The following PBX3 variants were observed in gnomAD, a reference collection of about 807,000 sequenced individuals.
PBX3 encodes the protein pre-B-cell leukemia transcription factor 3.
Under a neutral mutation model 48.5 loss-of-function variants are expected in PBX3, and 14 were observed. The observed-to-expected ratio is 0.29, with a 90% CI of 0.19 to 0.45. PBX3 has a LOEUF of 0.45. Ranked by LOEUF, PBX3 falls within the 20% of genes least tolerant of loss-of-function variation. The pLI is 1.00. For missense variants in PBX3, 386 were observed against 546.7 expected (o/e 0.71, Z 2.93); for synonymous variants, 210 against 200.3 (o/e 1.05, Z -0.41).
chr9:125,897,622 A>C (rs996551073), intron 2 of PBX3, among the ~76,000 whole-genome samples: 5 of 151,934 alleles, frequency 3.3e-5, no homozygotes, highest in Non-Finnish European at 7.4e-5. Context: ...ATGTCTAAAA[A>C]ACCACATACT....
At chr9:125,816,132 G>A (rs111966267) in intron 2 of PBX3, among the ~76,000 whole-genome samples, 85 of 152,174 alleles carry the variant, frequency 5.6e-4, no homozygotes, top group African/African-American at 1.9e-3. Context: ...AGCCTCAGGC[G>A]AGGACCACCA....
chr9:125,875,150 A>G (rs1840218293), intron 2 of PBX3, among the ~76,000 whole-genome samples: 2 of 152,168 alleles, frequency 1.3e-5, no homozygotes, highest in Admixed American at 1.3e-4. Context: ...CCTAGTGTAC[A>G]CACATTTTCA....
chr9:125,927,936 T>G (rs1004136036), intron 3 of PBX3, among the ~76,000 whole-genome samples: 2 of 151,992 alleles, frequency 1.3e-5, no homozygotes, highest in Non-Finnish European at 2.9e-5. Context: ...ATCCTAGCAC[T>G]TCGGGAGGCT....
chr9:125,962,366 A>C, intron 7 of PBX3, 152 bp downstream of exon 7: 1 of 513,064 alleles, frequency 1.9e-6, no homozygotes, highest in Non-Finnish European at 3.5e-6. Flanking sequence ...CATTTAATTT[A>C]ATGAGAAGTC....
At chr9:125,794,485 T>A (rs1019956615) in intron 2 of PBX3, among the ~76,000 whole-genome samples, 2 of 152,172 alleles carry the variant, frequency 1.3e-5, no homozygotes, top group African/African-American at 4.8e-5. Context: ...CTGACTTTAG[T>A]TACTGCTCAG....
chr9:125,966,817 A>T lies in PBX3; in HGVS notation c.*894A>T, dbSNP rs2118843897. 6.5e-6 allele frequency: 1 copy of T among 152,798 alleles called. No individual in the cohort carries two copies. Among genetic ancestry groups the T allele is most frequent in the East Asian group, 1.9e-4 (1 of 5,196 alleles). The allele number at this position is 152,798 out of a possible 1,614,324, so 9.5% of individuals were successfully genotyped here. On this transcript the variant is annotated 3_prime_UTR_variant, in exon 9 of 9. Coordinates refer to ENST00000373489, the MANE Select transcript of PBX3 (RefSeq NM_006195.6). ...CCAATAGAATTTCAACATGTTCTGT[A>T]GCTTAGAGTGCTCACTTACTACCTC...
intron 2 of PBX3, among the ~76,000 whole-genome samples, chr9:125,857,554 T>C (rs1839755088): frequency 6.6e-6 from 1 of 152,196 alleles, no homozygotes; most frequent in Non-Finnish European, 1.5e-5. Context: ...TTTAAGACTT[T>C]TCTTCATTTA....
intron 3 of PBX3, among the ~76,000 whole-genome samples, chr9:125,929,144 A>G (rs1224594740): frequency 1.3e-5 from 2 of 152,126 alleles, no homozygotes; most frequent in Non-Finnish European, 2.9e-5. Context: ...GGAACTTAAT[A>G]TCTTCCTGTT....
chr9:125,958,504 T>C (rs563871647), intron 5 of PBX3, among the ~76,000 whole-genome samples: 5 of 152,172 alleles, frequency 3.3e-5, no homozygotes, highest in Non-Finnish European at 7.4e-5. Context: ...GTAGGACCAA[T>C]ATGTGGAAGG....
At position 125,844,516 on chromosome 9, in the gene PBX3, T is replaced by G. The variant is rs557703130; in HGVS notation, c.275-71170T>G. On this transcript the variant is annotated intron_variant, in intron 2 of 8. Coordinates refer to ENST00000373489, the MANE Select transcript of PBX3 (RefSeq NM_006195.6). ...GCTTAAATATTACAGGTGTTTAAAT[T>G]AAAAATGTCAAACCATGAAGGCATA... 2.0e-5 allele frequency: 3 copies of G among 152,236 alleles called. No individual in the cohort carries two copies. In the East Asian group the frequency reaches 5.8e-4, roughly 29 times the overall value. The allele number at this position is 152,236 out of a possible 1,614,324, so 9.4% of individuals were successfully genotyped here. A position where few individuals can be genotyped will look rare whatever the true frequency, so the allele number is the denominator to read the frequency against.
At chr9:125,855,247 G>A (rs1839690018) in intron 2 of PBX3, among the ~76,000 whole-genome samples, 1 of 152,036 alleles carries the variant, frequency 6.6e-6, no homozygotes, top group African/African-American at 2.4e-5. Context: ...GTCCAAGAAT[G>A]AATAACTGTA....
chr9:125,813,667 C>A (rs931409534), intron 2 of PBX3, among the ~76,000 whole-genome samples: 1 of 152,094 alleles, frequency 6.6e-6, no homozygotes, highest in African/African-American at 2.4e-5. Flanking sequence ...TCCTTATATT[C>A]TGGTATGATA....
chr9:125,867,652 A>AC (rs895599467), intron 2 of PBX3, among the ~76,000 whole-genome samples: 4 of 150,762 alleles, frequency 2.7e-5, no homozygotes, highest in African/African-American at 9.7e-5. Flanking sequence ...AAAAAAAAAA[A>AC]AAAAACCACA....
chr9:125,775,205 C>A (rs987352763), intron 2 of PBX3, among the ~76,000 whole-genome samples: 20 of 152,138 alleles, frequency 1.3e-4, no homozygotes, highest in African/African-American at 4.6e-4. Context: ...TATTATTTTC[C>A]ATTTTTATTA....
At chr9:125,892,625 A>G (rs1414851385) in intron 2 of PBX3, among the ~76,000 whole-genome samples, 3 of 152,174 alleles carry the variant, frequency 2.0e-5, no homozygotes, top group Middle Eastern at 3.2e-3. Flanking sequence ...AAATATATGT[A>G]TTCTTTCCTT....
At chr9:125,875,867 C>A (rs1840236001) in intron 2 of PBX3, among the ~76,000 whole-genome samples, 1 of 152,116 alleles carries the variant, frequency 6.6e-6, no homozygotes, top group African/African-American at 2.4e-5. Context: ...GTGATAGTTA[C>A]AAATTAGAAA....
At chr9:125,900,842 A>G (rs867317848) in intron 2 of PBX3, among the ~76,000 whole-genome samples, 1 of 151,192 alleles carries the variant, frequency 6.6e-6, no homozygotes, top group African/African-American at 2.5e-5. Context: ...GGAAACCAAA[A>G]GCTTAAATGT....
At chr9:125,827,430 C>T (rs1838839076) in intron 2 of PBX3, among the ~76,000 whole-genome samples, 1 of 152,018 alleles carries the variant, frequency 6.6e-6, no homozygotes, top group South Asian at 2.1e-4. Context: ...CAAATTAGTA[C>T]CTATTTATCT....
chr9:125,827,189 G>T (rs1838832262), intron 2 of PBX3, among the ~76,000 whole-genome samples: 1 of 152,094 alleles, frequency 6.6e-6, no homozygotes, highest in South Asian at 2.1e-4. Flanking sequence ...GTATTTGAAT[G>T]AATTATTAGT....
Sources: allele counts gnomAD v4.1 joint callset (sites outside exome capture counted in the v4.1 genomes callset), GRCh38; gene constraint gnomAD v4.1.1; transcripts MANE v1.5; gene names NCBI Gene and HGNC (gene_info 2026-07-23, HGNC 2026-07-21).